Variants in STPG4 observed in about 807,000 individuals in gnomAD.
The protein encoded by STPG4 is sperm-tail PG-rich repeat containing 4.
A neutral mutation model predicts 31.5 loss-of-function variants in STPG4; 41 were observed. That is an observed-to-expected ratio of 1.30 (90% CI 1.01 to 1.69). The LOEUF (loss-of-function observed/expected upper bound fraction) is 1.69, where lower values mean the gene tolerates loss of function less well. STPG4 is among the 40% of genes most tolerant of loss of function. STPG4 has a pLI of 0.00. For missense variants in STPG4, 375 were observed against 293.4 expected, an observed-to-expected ratio of 1.28 and a Z score of -2.03; for synonymous variants, 141 against 103.0, an observed-to-expected ratio of 1.37 and a Z score of -2.24.
chr2:47,140,895 T>TC (rs1408987678), intron 3 of STPG4, among the ~76,000 whole-genome samples: 2 of 46,820 alleles, frequency 4.3e-5, no homozygotes, highest in Non-Finnish European at 9.2e-5. Context: ...TTCCAGGTAC[T>TC]TTTTTTTTTT....
At chr2:47,089,065 A>G (rs1256332975) in intron 6 of STPG4, among the ~76,000 whole-genome samples, 4 of 152,182 alleles carry the variant, frequency 2.6e-5, no homozygotes, top group Non-Finnish European at 2.9e-5. Flanking sequence ...AAAATTTTCT[A>G]TAAGGGAGAG....
At chr2:47,100,789 A>G (rs1409497876) in intron 5 of STPG4, among the ~76,000 whole-genome samples, 1 of 151,638 alleles carries the variant, frequency 6.6e-6, no homozygotes, top group African/African-American at 2.4e-5. Flanking sequence ...ACTCACCACG[A>G]AAGTCTGCAG....
intron 5 of STPG4, among the ~76,000 whole-genome samples, chr2:47,117,733 G>T (rs1201784615): frequency 6.6e-6 from 1 of 152,120 alleles, no homozygotes; most frequent in Admixed American, 6.6e-5. Context: ...ACTTGCCTTT[G>T]TATCAACAAT....
At chr2:47,117,779 C>T (rs544059111) in intron 5 of STPG4, among the ~76,000 whole-genome samples, 1 of 152,234 alleles carries the variant, frequency 6.6e-6, no homozygotes, top group East Asian at 1.9e-4. Flanking sequence ...ACATAAGCAT[C>T]CAAAATGATT....
At chr2:47,137,297 A>G (rs753708453) in intron 3 of STPG4, among the ~76,000 whole-genome samples, 3 of 152,212 alleles carry the variant, frequency 2.0e-5, no homozygotes, top group East Asian at 1.9e-4. Context: ...TTTTTAAAAT[A>G]TTGAGCCAGC....
chr2:47,117,461 G>A (rs980708082), intron 5 of STPG4, among the ~76,000 whole-genome samples: 6 of 152,060 alleles, frequency 3.9e-5, no homozygotes, highest in Admixed American at 1.3e-4. Flanking sequence ...TGCCTGCCTC[G>A]GCCTCCTAAA....
chr2:47,114,720 G>C (rs2103759437), intron 5 of STPG4, among the ~76,000 whole-genome samples: 1 of 152,204 alleles, frequency 6.6e-6, no homozygotes, highest in South Asian at 2.1e-4. Context: ...GTCTTTGTGA[G>C]TCAGTTTCAC....
At chr2:47,125,145 G>A (rs893430707) in intron 5 of STPG4, among the ~76,000 whole-genome samples, 2 of 152,094 alleles carry the variant, frequency 1.3e-5, no homozygotes, top group Non-Finnish European at 1.5e-5. Context: ...TTGAGGTTGG[G>A]CATGGTGGCT....
intron 5 of STPG4, among the ~76,000 whole-genome samples, chr2:47,095,830 G>A (rs890126971): frequency 1.3e-5 from 2 of 152,136 alleles, no homozygotes; most frequent in African/African-American, 4.8e-5. Flanking sequence ...CAACAGGATG[G>A]AGGTGGCAAA....
At chr2:47,118,254 A>C (rs1450018047) in intron 5 of STPG4, among the ~76,000 whole-genome samples, 1 of 152,180 alleles carries the variant, frequency 6.6e-6, no homozygotes, top group Admixed American at 6.5e-5. Flanking sequence ...CAGCGGCAGC[A>C]TTAGATTCTC....
chr2:47,105,706 A>G (rs1573158577), intron 5 of STPG4, among the ~76,000 whole-genome samples: 1 of 152,178 alleles, frequency 6.6e-6, no homozygotes, highest in African/African-American at 2.4e-5. Flanking sequence ...ACTTGAAAGC[A>G]AGCCTCTTCC....
intron 5 of STPG4, among the ~76,000 whole-genome samples, chr2:47,094,403 T>G (rs150650292): frequency 6.6e-6 from 1 of 152,320 alleles, no homozygotes; most frequent in Non-Finnish European, 1.5e-5. Context: ...CTCTGGTACA[T>G]GATTACATCT....
At position 47,091,613 on chromosome 2, in the gene STPG4, G is replaced by A. The variant is rs1052460869; in HGVS notation, c.520-1239C>T. On this transcript the variant is annotated intron_variant, in intron 5 of 6. Transcript: ENST00000445927. Reference sequence around the variant, plus strand: ...CTTAGATCTGTTTCTAAATAATGCAGGAGTTAGGGGAAGTGGGTGGGAGTA... The same window carrying A: ...CTTAGATCTGTTTCTAAATAATGCAAGAGTTAGGGGAAGTGGGTGGGAGTA... Among the ~76,000 whole-genome samples, 7 of 152,332 alleles carry A rather than the reference G, an allele frequency of 4.6e-5. No individual in the cohort carries two copies. The East Asian group carries it at 1.2e-3, about 25-fold the overall frequency.
At chr2:47,115,620 T>G (rs895381329) in intron 5 of STPG4, among the ~76,000 whole-genome samples, 1 of 151,892 alleles carries the variant, frequency 6.6e-6, no homozygotes, top group Non-Finnish European at 1.5e-5. Flanking sequence ...TCCTTCTGTC[T>G]GTTTATCTCC....
intron 1 of STPG4, 80 bp downstream of exon 1, chr2:47,155,091 G>A (rs2103813180): frequency 7.3e-7 from 1 of 1,376,474 alleles, no homozygotes; most frequent in African/African-American, 1.4e-5. Context: ...GAAGGCCTGG[G>A]ATTAGAGAGC....
intron 5 of STPG4, among the ~76,000 whole-genome samples, chr2:47,101,337 G>A (rs1474096352): frequency 6.6e-6 from 1 of 151,730 alleles, no homozygotes; most frequent in East Asian, 1.9e-4. Context: ...TTGACAGAGA[G>A]GAAAGCCATG....
intron 1 of STPG4, among the ~76,000 whole-genome samples, chr2:47,154,422 C>T (rs536455946): frequency 1.3e-5 from 2 of 152,126 alleles, no homozygotes; most frequent in South Asian, 2.1e-4. Context: ...GAGAAGTAAA[C>T]GCGATCAATC....
At chr2:47,105,866 T>G (rs1685899514) in intron 5 of STPG4, among the ~76,000 whole-genome samples, 1 of 152,162 alleles carries the variant, frequency 6.6e-6, no homozygotes, top group Admixed American at 6.5e-5. Flanking sequence ...GAGAAGGAGT[T>G]CCTAATCTCT....
intron 5 of STPG4, among the ~76,000 whole-genome samples, chr2:47,091,504 CT>C: frequency 6.6e-6 from 1 of 152,190 alleles, no homozygotes; most frequent in East Asian, 1.9e-4. Context: ...TTTTTCCCCC[CT>C]CCATTTTCAA....
Sources: allele counts gnomAD v4.1 joint callset (sites outside exome capture counted in the v4.1 genomes callset), GRCh38; gene constraint gnomAD v4.1.1; transcripts MANE v1.5; gene names NCBI Gene and HGNC (gene_info 2026-07-23, HGNC 2026-07-21).